TMEM181: variants seen among roughly 807,000 people sequenced by gnomAD.
TMEM181 encodes G protein-coupled receptor 178.
A neutral mutation model predicts 71.9 loss-of-function variants in TMEM181; 39 were observed. That is an observed-to-expected ratio of 0.54 (90% CI 0.42 to 0.71). The LOEUF is 0.71. Among genes scored for constraint, TMEM181 ranks in the 30% least tolerant of loss-of-function variants. The pLI, the probability that TMEM181 is intolerant of heterozygous loss-of-function variation, is 0.00. For synonymous variants in TMEM181, 245 were observed against 228.8 expected (o/e 1.07, Z -0.64); for missense variants, 595 against 583.0 (o/e 1.02, Z -0.21).
intron 11 of TMEM181, among the ~76,000 whole-genome samples, chr6:158,623,860 A>G (rs1786115183): frequency 6.6e-6 from 1 of 151,930 alleles, no homozygotes; most frequent in South Asian, 2.1e-4. Context: ...TCCTGGGTTC[A>G]AGTGGTTCTC....
intron 1 of TMEM181, among the ~76,000 whole-genome samples, chr6:158,550,329 G>A (rs1383382729): frequency 6.6e-6 from 1 of 151,592 alleles, no homozygotes; most frequent in African/African-American, 2.4e-5. Flanking sequence ...ACAGGCGTGA[G>A]CCACCACGCC....
In TMEM181 at chr6:158,628,418, C is replaced by T; in HGVS notation, c.1120C>T (p.Leu374Phe). 6.2e-7 allele frequency: 1 copy of T among 1,614,190 alleles called. No individual in the cohort carries two copies. Among genetic ancestry groups the T allele is most frequent in the African/African-American group, 1.3e-5 (1 of 75,064 alleles). The change falls in exon 14 of 17, where the codon CTT becomes TTT. Residue 374 changes from leucine to phenylalanine, a missense_variant. Physicochemically the swap from Leu to Phe is conservative, Grantham distance 22. Coordinates refer to ENST00000684151, the MANE Select transcript of TMEM181 (RefSeq NM_001376852.1). ...CTCTGTCTTGTTCAGCATCGCCATC[C>T]TTTATTTGAGATTTGGGGCGCAAGT... ...FVVLVISIAI[L>F]YLRFGAQVLQ...
chr6:158,600,821 C>G (rs1287835786), intron 6 of TMEM181, among the ~76,000 whole-genome samples: 3 of 152,150 alleles, frequency 2.0e-5, no homozygotes, highest in Non-Finnish European at 2.9e-5. Flanking sequence ...GTTGCTCTAA[C>G]AGACTCTTAA....
chr6:158,602,880 C>T (rs776631935), intron 6 of TMEM181, among the ~76,000 whole-genome samples: 1 of 152,162 alleles, frequency 6.6e-6, no homozygotes, highest in African/African-American at 2.4e-5. Flanking sequence ...CTGCACCTGG[C>T]CTAATTTACA....
At chr6:158,587,280 C>T (rs1008044426) in intron 5 of TMEM181, among the ~76,000 whole-genome samples, 14 of 152,168 alleles carry the variant, frequency 9.2e-5, no homozygotes, top group African/African-American at 3.1e-4. Context: ...ATGTGCCCGC[C>T]GTGCTGTGCA....
At chr6:158,567,469 T>C (rs1782576722) in intron 1 of TMEM181, among the ~76,000 whole-genome samples, 1 of 152,220 alleles carries the variant, frequency 6.6e-6, no homozygotes, top group African/African-American at 2.4e-5. Flanking sequence ...TAGTGCAGAC[T>C]GCATCTGTTG....
intron 3 of TMEM181, among the ~76,000 whole-genome samples, chr6:158,583,035 C>G (rs1783564171): frequency 6.6e-6 from 1 of 152,024 alleles, no homozygotes; most frequent in Admixed American, 6.6e-5. Flanking sequence ...GACTTCAAGA[C>G]CAGTCTGGCC....
chr6:158,632,079 T>C lies in TMEM181; in HGVS notation c.*191T>C. Reference sequence around the variant, plus strand: ...TGTTTAGCCAAATTTATTGTCATGGTGGCTACGAGAAGAGGCATTGATAAC... The same window carrying C: ...TGTTTAGCCAAATTTATTGTCATGGCGGCTACGAGAAGAGGCATTGATAAC... On this transcript the variant is annotated 3_prime_UTR_variant, in exon 17 of 17. Transcript: ENST00000684151. The C allele has an allele frequency of 1.7e-6, 1 of 589,134 alleles. No individual in the cohort carries two copies. 36.5% of individuals were successfully genotyped at this position (589,134 alleles called of 1,614,324 possible).
intron 6 of TMEM181, among the ~76,000 whole-genome samples, chr6:158,598,184 G>A (rs1784486102): frequency 6.6e-6 from 1 of 152,174 alleles, no homozygotes; most frequent in East Asian, 1.9e-4. Context: ...TCACTTTCCT[G>A]TTCTTTTCTC....
At chr6:158,597,448 A>G (rs550210913) in intron 6 of TMEM181, among the ~76,000 whole-genome samples, 30 of 152,250 alleles carry the variant, frequency 2.0e-4, no homozygotes, top group Admixed American at 1.5e-3. Flanking sequence ...TCCTCTGGAA[A>G]GGACACATTC....
intron 5 of TMEM181, among the ~76,000 whole-genome samples, chr6:158,585,865 A>G (rs569705621): frequency 2.6e-5 from 4 of 152,140 alleles, no homozygotes; most frequent in Non-Finnish European, 4.4e-5. Flanking sequence ...TGCTCTGTCA[A>G]CCAGGCTGGA....
chr6:158,604,363 T>G (rs1277173860), intron 6 of TMEM181, among the ~76,000 whole-genome samples: 2 of 152,206 alleles, frequency 1.3e-5, no homozygotes, highest in Non-Finnish European at 2.9e-5. Flanking sequence ...CGTGATGTTT[T>G]AGGTAAATCT....
At chr6:158,563,418 A>G (rs1174987901) in intron 1 of TMEM181, among the ~76,000 whole-genome samples, 1 of 152,348 alleles carries the variant, frequency 6.6e-6, no homozygotes, top group East Asian at 1.9e-4. Flanking sequence ...TGCTGGGACT[A>G]TAGGTGTGAG....
chr6:158,559,425 AC>A (rs1394663677), upstream of TMEM181, among the ~76,000 whole-genome samples: 4 of 152,166 alleles, frequency 2.6e-5, no homozygotes, highest in Non-Finnish European at 5.9e-5. Context: ...CCGACTTTAA[AC>A]CCACAGCACA....
At chr6:158,596,906 A>G (rs1311409957) in intron 6 of TMEM181, among the ~76,000 whole-genome samples, 1 of 152,188 alleles carries the variant, frequency 6.6e-6, no homozygotes, top group Non-Finnish European at 1.5e-5. Context: ...CCCTCCCACA[A>G]CACATGGGAA....
intron 1 of TMEM181, among the ~76,000 whole-genome samples, chr6:158,550,852 A>G (rs1408951894): frequency 7.2e-6 from 1 of 139,646 alleles, no homozygotes; most frequent in Non-Finnish European, 1.5e-5. Context: ...ATAGTGTATT[A>G]TAGCACTCCA....
chr6:158,574,081 C>T (rs1478935027), intron 2 of TMEM181, among the ~76,000 whole-genome samples: 1 of 126,590 alleles, frequency 7.9e-6, no homozygotes, highest in Non-Finnish European at 1.8e-5. Flanking sequence ...AGAGGGCAGG[C>T]AACCAGGAGC....
At chr6:158,631,434 G>A (rs1471288685) in intron 16 of TMEM181, 45 bp downstream of exon 16, 17 of 1,593,568 alleles carry the variant, frequency 1.1e-5, no homozygotes, top group South Asian at 5.5e-5. Context: ...TGGGCATCCC[G>A]GCACGGCCTT....
intron 1 of TMEM181, among the ~76,000 whole-genome samples, chr6:158,561,930 A>C (rs1385686635): frequency 1.3e-5 from 2 of 152,224 alleles, no homozygotes; most frequent in Non-Finnish European, 2.9e-5. Flanking sequence ...AACAAGCCTG[A>C]AAATCCGAAG....
Sources: gnomAD v4.1 joint callset for allele counts (sites outside exome capture counted in the v4.1 genomes callset) on GRCh38, gnomAD v4.1.1 for gene constraint, MANE v1.5 for transcripts, NCBI Gene and HGNC (gene_info 2026-07-23, HGNC 2026-07-21) for gene names.